The following PSMD9 variants were observed in gnomAD, a reference collection of about 807,000 sequenced individuals.
PSMD9 encodes the protein 26S proteasome non-ATPase regulatory subunit 9.
In PSMD9, 26 loss-of-function variants were observed where a neutral mutation model predicts 25.9. The observed-to-expected ratio is 1.00, with a 90% CI of 0.73 to 1.39. The LOEUF (loss-of-function observed/expected upper bound fraction) is 1.39. Among genes scored for constraint, PSMD9 ranks in the 40% most tolerant of loss-of-function variants. PSMD9 has a pLI of 0.00. For missense variants in PSMD9, 303 were observed against 299.3 expected (o/e 1.01, Z -0.09); for synonymous variants, 110 against 114.5 (o/e 0.96, Z 0.25).
intron 4 of PSMD9, among the ~76,000 whole-genome samples, chr12:121,907,218 C>G (rs142627309): frequency 2.6e-5 from 4 of 151,278 alleles, no homozygotes; most frequent in East Asian, 2.0e-4. Context: ...TACAGGCACC[C>G]GCCACCACGC....
At chr12:121,902,969 C>T in intron 3 of PSMD9, 37 bp from the exon 4 acceptor site, 5 of 1,554,836 alleles carry the variant, frequency 3.2e-6, no homozygotes, top group African/African-American at 1.4e-5. Context: ...CACACTGAAC[C>T]TCTAGCCTGA....
At chr12:121,907,517 A>G (rs1304032400) in intron 4 of PSMD9, among the ~76,000 whole-genome samples, 2 of 152,050 alleles carry the variant, frequency 1.3e-5, no homozygotes, top group African/African-American at 4.8e-5. Context: ...TACAGCTGGG[A>G]TTTCTAGATC....
chr12:121,898,837 T>G (rs983220980), intron 2 of PSMD9: 1 of 152,734 alleles, frequency 6.5e-6, no homozygotes, highest in Admixed American at 6.5e-5. Context: ...ATCTCCTGCC[T>G]CAGCCTCCCG....
At chr12:121,889,074 A>C (rs529171442) in intron 1 of PSMD9, 80 bp downstream of exon 1, 2 of 1,504,496 alleles carry the variant, frequency 1.3e-6, no homozygotes, top group African/African-American at 2.8e-5. Flanking sequence ...GGGCGGCCTC[A>C]GTTTGGGCGC....
intron 4 of PSMD9, among the ~76,000 whole-genome samples, chr12:121,913,627 G>A (rs1271420931): frequency 6.6e-6 from 1 of 151,322 alleles, no homozygotes; most frequent in Admixed American, 6.6e-5. Flanking sequence ...AAGTAGCTGG[G>A]ACTACAGATG....
intron 3 of PSMD9, chr12:121,902,113 T>A (rs559921907): frequency 6.6e-6 from 1 of 152,384 alleles, no homozygotes; most frequent in East Asian, 1.9e-4. Context: ...GCTGCGAACA[T>A]TCTTGTACAG....
At chr12:121,904,802 C>A (rs1386962353) in intron 4 of PSMD9, among the ~76,000 whole-genome samples, 2 of 150,136 alleles carry the variant, frequency 1.3e-5, no homozygotes, top group Non-Finnish European at 3.0e-5. Context: ...GGATTACAGG[C>A]GCCCACCACC....
chr12:121,904,113 C>T (rs1331688715), intron 4 of PSMD9, among the ~76,000 whole-genome samples: 1 of 152,108 alleles, frequency 6.6e-6, no homozygotes, highest in African/African-American at 2.4e-5. Flanking sequence ...TGGCAGTTGC[C>T]TATGCCCCTG....
At chr12:121,894,914 CTATCTGTAT>C (rs1425872587) in intron 2 of PSMD9, 73 bp downstream of exon 2, 53 of 1,276,800 alleles carry the variant, frequency 4.2e-5, no homozygotes, top group Non-Finnish European at 5.7e-5. Flanking sequence ...ATAAAACCAA[CTATCTGTAT>C]TATCTACTGC....
intron 1 of PSMD9, among the ~76,000 whole-genome samples, chr12:121,891,867 C>T (rs1291214758): frequency 7.5e-6 from 1 of 132,944 alleles, no homozygotes; most frequent in African/African-American, 2.9e-5. Context: ...GACTGCACCA[C>T]GACACTCCAG....
chr12:121,900,830 C>G (rs1300071588), intron 3 of PSMD9, among the ~76,000 whole-genome samples: 3 of 151,718 alleles, frequency 2.0e-5, no homozygotes, highest in African/African-American at 7.3e-5. Flanking sequence ...ACTAAAAATA[C>G]AAACATTAGC....
At chr12:121,895,198 G>A (rs1022890548) in intron 2 of PSMD9, among the ~76,000 whole-genome samples, 3 of 151,936 alleles carry the variant, frequency 2.0e-5, no homozygotes, top group Non-Finnish European at 4.4e-5. Context: ...GGCATGTGTC[G>A]CTGTGCCTGG....
intron 2 of PSMD9, chr12:121,897,587 A>G (rs1051473179): frequency 6.9e-6 from 1 of 145,790 alleles, no homozygotes. Flanking sequence ...TTTAGTAGAG[A>G]CGGGATTTCA....
intron 1 of PSMD9, 39 bp downstream of exon 1, chr12:121,889,033 G>A (rs187113859): frequency 7.8e-5 from 122 of 1,557,134 alleles, no homozygotes; most frequent in Non-Finnish European, 1.0e-4. Flanking sequence ...CGCCTAACCC[G>A]GCCCGGAGTC....
chr12:121,899,258 A>G lies in PSMD9; in HGVS notation c.242-376A>G, dbSNP rs756328465. 2.9e-4 allele frequency: 69 copies of G among 234,440 alleles called. 2 individuals are homozygous for G. Among genetic ancestry groups the G allele is most frequent in the Non-Finnish European group, 6.9e-5 (8 of 116,546 alleles). The allele number at this position is 234,440 out of a possible 1,614,324, so 14.5% of individuals were successfully genotyped here. On this transcript the variant is annotated intron_variant, in intron 2 of 5. Coordinates refer to ENST00000541212, the MANE Select transcript of PSMD9 (RefSeq NM_002813.7). ...TGATCACAGCGCTGGCCCCTCATAC[A>G]TATGCCTTTGAGTTCATGGCTGTGG...
chr12:121,912,588 G>A (rs1879756855), intron 4 of PSMD9, among the ~76,000 whole-genome samples: 1 of 152,048 alleles, frequency 6.6e-6, no homozygotes, highest in African/African-American at 2.4e-5. Flanking sequence ...TATTTAGGCT[G>A]GGCGCTGTGT....
At chr12:121,902,028 CAT>C (rs1264490724) in intron 3 of PSMD9, 1 of 152,152 alleles carries the variant, frequency 6.6e-6, no homozygotes, top group East Asian at 1.9e-4. Flanking sequence ...CTGGATATAT[CAT>C]ATTTTATTTA....
intron 4 of PSMD9, among the ~76,000 whole-genome samples, chr12:121,906,779 A>C (rs1592947486): frequency 1.3e-5 from 2 of 150,266 alleles, no homozygotes; most frequent in African/African-American, 4.9e-5. Context: ...ACGCCACTGC[A>C]CTCCAGCCTG....
chr12:121,898,542 CTTT>C (rs370294954), intron 2 of PSMD9: 2 of 139,646 alleles, frequency 1.4e-5, no homozygotes, highest in East Asian at 2.1e-4. Flanking sequence ...TTATGCAGCA[CTTT>C]TTTTTTTTTT....
Sources: allele counts gnomAD v4.1 joint callset (sites outside exome capture counted in the v4.1 genomes callset), GRCh38; gene constraint gnomAD v4.1.1; transcripts MANE v1.5; gene names NCBI Gene and HGNC (gene_info 2026-07-23, HGNC 2026-07-21).